MEGF6: variants seen among roughly 807,000 people sequenced by gnomAD.
The protein encoded by MEGF6 is multiple epidermal growth factor-like domains protein 6.
In MEGF6, 184 loss-of-function variants were observed where a neutral mutation model predicts 207.1. The observed-to-expected ratio is 0.89, with a 90% confidence interval of 0.79 to 1.00. The LOEUF (loss-of-function observed/expected upper bound fraction) is 1.00. MEGF6 is among the 50% of genes least tolerant of loss of function. MEGF6 has a pLI of 0.00. For missense variants in MEGF6, 2,282 were observed against 2,202.9 expected (o/e 1.04, Z -0.72); for synonymous variants, 1,038 against 910.0 (o/e 1.14, Z -2.53).
intron 4 of MEGF6, among the ~76,000 whole-genome samples, chr1:3,562,074 G>T (rs1166757292): frequency 1.3e-5 from 2 of 152,200 alleles, no homozygotes; most frequent in Non-Finnish European, 2.9e-5. Context: ...AGGGGTAGGG[G>T]TAGGGGGCTG....
upstream of MEGF6, among the ~76,000 whole-genome samples, chr1:3,616,475 A>T (rs2101929729): frequency 6.6e-6 from 1 of 152,226 alleles, no homozygotes; most frequent in East Asian, 1.9e-4. Flanking sequence ...GGACCGCCCC[A>T]GTCTGTGCCA....
rs777941807 is a variant in MEGF6 at position 3,496,711 on chromosome 1, G to A, written c.3686C>T (p.Ala1229Val). The change falls in exon 29 of 37, where the codon GCG (alanine) becomes GTG (valine). Residue 1229 changes from alanine (A) to valine (V), a missense_variant. Coordinates refer to ENST00000356575, the MANE Select transcript of MEGF6 (RefSeq NM_001409.4). ...GGGGCAGCGGCAGGCCCCCGTGGCC[G>A]CATCACAGGAGCCCCCGTTGAGACA... is the stretch of plus-strand genomic sequence containing the variant. ...CGCLNGGSCD[A>V]ATGACRCPTG... 2.2e-5 allele frequency: 34 copies of A among 1,558,638 alleles called. No individual in the cohort carries two copies. The highest frequency in any genetic ancestry group is 2.4e-5 in the East Asian group (1 of 41,328).
intron 4 of MEGF6, among the ~76,000 whole-genome samples, chr1:3,537,095 G>A (rs1409294407): frequency 6.6e-6 from 1 of 152,266 alleles, no homozygotes; most frequent in Non-Finnish European, 1.5e-5. Context: ...GAGCCAGAGA[G>A]GCTGTGGGCA....
In MEGF6 at chr1:3,500,767, G is replaced by C. The variant is rs760092637; in HGVS notation, c.2576-3C>G. On this transcript the variant is annotated splice_region_variant and splice_polypyrimidine_tract_variant and intron_variant, in intron 20 of 36. Transcript: ENST00000356575. ...TCCCCAGTGCCCAGTATCACAGGCT[G>C]CAACAGAACTCAGGGTCACCCGGCG... 1.2e-6 allele frequency: 2 copies of C among 1,605,592 alleles called. No individual in the cohort carries two copies. Among genetic ancestry groups the C allele is most frequent in the East Asian group, 4.5e-5 (2 of 44,510 alleles).
chr1:3,497,582 C>T (rs759094352), intron 26 of MEGF6: 11 of 706,472 alleles, frequency 1.6e-5, no homozygotes, highest in South Asian at 6.0e-5. Context: ...GCAGGCACAG[C>T]GCCCCTCACA....
intron 4 of MEGF6, among the ~76,000 whole-genome samples, chr1:3,539,965 G>A (rs1642461366): frequency 6.6e-6 from 1 of 152,158 alleles, no homozygotes. Context: ...CAGCATCGAG[G>A]CTGGGATCCA....
intron 4 of MEGF6, among the ~76,000 whole-genome samples, chr1:3,535,275 C>T (rs886797605): frequency 2.6e-5 from 4 of 152,280 alleles, no homozygotes; most frequent in East Asian, 1.9e-4. Context: ...GCGAGGCCTT[C>T]GGGAAGCTTC....
intron 1 of MEGF6, among the ~76,000 whole-genome samples, chr1:3,608,099 G>A (rs765720467): frequency 5.3e-5 from 8 of 151,962 alleles, no homozygotes; most frequent in African/African-American, 1.2e-4. Context: ...CAACGGCCTC[G>A]CGCTTATTTT....
At chr1:3,527,871 C>T (rs1281401835) in intron 4 of MEGF6, among the ~76,000 whole-genome samples, 3 of 152,208 alleles carry the variant, frequency 2.0e-5, no homozygotes, top group Non-Finnish European at 4.4e-5. Flanking sequence ...GCATCCCAGC[C>T]GGGTTCGGCT....
At position 3,498,792 on chromosome 1, in the gene MEGF6, C is replaced by G; in HGVS notation, c.3129G>C (p.Arg1043=). The part of the protein sequence containing the change: ...CPAGLYGDNC[R]HSCLCQNGGT... Reference sequence around the variant, plus strand: ...CTCCGTTCTGGCAGAGGCAGGAATGCCGACAGTTGTCGCCGTACAGGCCGG... The same window carrying G: ...CTCCGTTCTGGCAGAGGCAGGAATGGCGACAGTTGTCGCCGTACAGGCCGG... The change falls in exon 25 of 37, where the codon CGG becomes CGC. Residue 1043 remains arginine (R), a synonymous_variant. Transcript: ENST00000356575. 1.3e-6 allele frequency: 2 copies of G among 1,555,896 alleles called. No homozygotes were observed. The highest frequency in any genetic ancestry group is 8.7e-7 in the Non-Finnish European group (1 of 1,150,290).
At chr1:3,616,766 G>A in the MEGF6 span, among the ~76,000 whole-genome samples, 1 of 152,244 alleles carries the variant, frequency 6.6e-6, no homozygotes, top group Admixed American at 6.5e-5. Flanking sequence ...TACCTAAGGT[G>A]GGCTGTGTGA....
At chr1:3,569,193 C>G (rs576878124) in intron 4 of MEGF6, among the ~76,000 whole-genome samples, 7 of 152,340 alleles carry the variant, frequency 4.6e-5, no homozygotes, top group Non-Finnish European at 8.8e-5. Context: ...GAGGCTCCTT[C>G]AAAGATGCAG....
intron 4 of MEGF6, among the ~76,000 whole-genome samples, chr1:3,545,701 G>A (rs1044479633): frequency 5.3e-5 from 8 of 152,200 alleles, no homozygotes; most frequent in African/African-American, 1.9e-4. Flanking sequence ...AGCCAGAATG[G>A]AGCGGGGGTC....
Position 3,568,405 on chromosome 1 carries a change from C to T in MEGF6, c.481+11420G>A, listed in dbSNP as rs12732239. ...TGGGGGCTTCAGTAGTGGTCCTAGG[C>T]CCCTCATGGGGCCCACGGAGGCCAC... On this transcript the variant is annotated intron_variant, in intron 4 of 36. Coordinates refer to ENST00000356575, the MANE Select transcript of MEGF6 (RefSeq NM_001409.4). 5.0e-4 allele frequency among the ~76,000 whole-genome samples: 69 copies of T among 136,678 alleles called. 1 individual carries two copies. The highest frequency in any genetic ancestry group is 1.1e-3 in the Admixed American group (15 of 14,056). The allele number at this position is 136,678 out of a possible 152,430, so 89.7% of individuals were successfully genotyped here.
Position 3,499,613 on chromosome 1 carries a change from G to C in MEGF6, c.2940C>G (p.Gly980=). ...AVNGSCLCPA[G]RRGPRCAETC... ...TCTCGGCACAGCGGGGGCCCCGGCG[G>C]CCAGCGGGGCAGAGGCAGGAGCCAT... is the stretch of plus-strand genomic sequence containing the variant. Residue 980 remains glycine (G), a synonymous_variant, in exon 23 of 37, where the codon GGC becomes GGG. Transcript: ENST00000356575. The C allele has an allele frequency of 6.3e-7, 1 of 1,586,302 alleles. No individual in the cohort carries two copies. Among genetic ancestry groups the C allele is most frequent in the Admixed American group, 1.8e-5 (1 of 55,996 alleles).
rs138834196 is a variant in MEGF6 at position 3,574,863 on chromosome 1, G to A, written c.481+4962C>T. Reference sequence around the variant, plus strand: ...TCACCATGTTGCTCAGGCTGGTCTCGAACTCCTGAGCTCAAGTGATACACG... The same window carrying A: ...TCACCATGTTGCTCAGGCTGGTCTCAAACTCCTGAGCTCAAGTGATACACG... On this transcript the variant is annotated intron_variant, in intron 4 of 36. Coordinates refer to ENST00000356575, the MANE Select transcript of MEGF6 (RefSeq NM_001409.4). 7.9e-3 allele frequency among the ~76,000 whole-genome samples: 1,202 copies of A among 152,182 alleles called. 17 individuals are homozygous for A. The highest frequency in any genetic ancestry group is 0.028 in the African/African-American group (1,151 of 41,508).
chr1:3,618,443 G>A, the MEGF6 span, among the ~76,000 whole-genome samples: 1 of 152,236 alleles, frequency 6.6e-6, no homozygotes, highest in African/African-American at 2.4e-5. This position sits in a 1 kb window ranked among gnomAD's most constrained non-coding sequence, Gnocchi z 4.7. Context: ...CACGGCGAGG[G>A]GCAGGTGGGA....
In MEGF6 at chr1:3,494,019, A is replaced by G. The variant is rs1267704526; in HGVS notation, c.4235T>C (p.Phe1412Ser). 1 of 1,607,418 alleles carries G rather than the reference A, an allele frequency of 6.2e-7. No homozygotes were observed. The highest frequency in any genetic ancestry group is 8.5e-7 in the Non-Finnish European group (1 of 1,177,768). ...ACCCCTCTCACAGAAGTGGCCGTGG[A>G]AGCCGGCAGGGCAGAGGCATCGGCC... is the stretch of plus-strand genomic sequence containing the variant. ...ISGRCLCPAGFHGHFCERGCE... is the reference protein window; with the variant it reads ...ISGRCLCPAGSHGHFCERGCE... The change falls in exon 33 of 37, where the codon TTC (phenylalanine) becomes TCC (serine). Residue 1412 changes from phenylalanine (F) to serine (S), a missense_variant. By Grantham distance (155) the Phe-to-Ser change is radical. Transcript: ENST00000356575.
At chr1:3,593,733 T>C (rs1644016547) in intron 3 of MEGF6, among the ~76,000 whole-genome samples, 1 of 152,000 alleles carries the variant, frequency 6.6e-6, no homozygotes, top group Non-Finnish European at 1.5e-5. Flanking sequence ...GACCCCTTTG[T>C]TCCTCCCAGA....
Sources: allele counts gnomAD v4.1 joint callset (sites outside exome capture counted in the v4.1 genomes callset), GRCh38; gene constraint gnomAD v4.1.1; non-coding constraint Gnocchi (gnomAD v3.1); transcripts MANE v1.5; gene names NCBI Gene and HGNC (gene_info 2026-07-23, HGNC 2026-07-21).